Variants in POC1B observed in about 807,000 individuals in gnomAD.
POC1B encodes the protein POC1 centriolar protein B, also known as POC1 centriolar protein homolog B.
Under a neutral mutation model 60.6 loss-of-function variants are expected in POC1B, and 44 were observed. The ratio of observed to expected loss-of-function variants is 0.73; its 90% confidence interval spans 0.57 to 0.93. The LOEUF is 0.93. POC1B is among the 40% of genes least tolerant of loss of function. The pLI is 0.00. For synonymous variants in POC1B, 180 were observed against 198.9 expected, an observed-to-expected ratio of 0.90 and a Z score of 0.80; for missense variants, 555 against 572.3, an observed-to-expected ratio of 0.97 and a Z score of 0.31.
chr12:89,470,593 T>C (rs571645379), intron 6 of POC1B, 99 bp from the exon 7 acceptor site: 1 of 1,011,530 alleles, frequency 9.9e-7, no homozygotes, highest in East Asian at 2.8e-5. Flanking sequence ...ACAAGAGCAC[T>C]GTTTCCACAA....
intron 10 of POC1B, among the ~76,000 whole-genome samples, chr12:89,440,233 A>G (rs2120719328): frequency 6.6e-6 from 1 of 152,330 alleles, no homozygotes; most frequent in South Asian, 2.1e-4. Context: ...AGCACACTGA[A>G]AAATTTTCTG....
rs759589142 is a variant in POC1B, at chr12:89,516,519, TA to T, written c.100+8600del. 9.9e-3 allele frequency among the ~76,000 whole-genome samples: 1,512 copies of T among 152,320 alleles called. 6 individuals are homozygous for T. Among genetic ancestry groups the T allele is most frequent in the Non-Finnish European group, 0.016 (1,057 of 68,022 alleles). ...TTCCCTACTAATAGTACAATCTCCA[TA>T]TAGTAGCCAGAGTGGTCTTTTTGAG... On this transcript the variant is annotated intron_variant, in intron 2 of 11. Coordinates refer to ENST00000313546, the MANE Select transcript of POC1B (RefSeq NM_172240.3).
the POC1B span, among the ~76,000 whole-genome samples, chr12:89,409,564 T>G: frequency 1.3e-5 from 2 of 151,982 alleles, no homozygotes; most frequent in Non-Finnish European, 2.9e-5. Context: ...CTAGCCAGAC[T>G]AATAAAGAAG....
the POC1B span, among the ~76,000 whole-genome samples, chr12:89,414,042 T>C: frequency 2.0e-5 from 3 of 151,964 alleles, no homozygotes; most frequent in Non-Finnish European, 4.4e-5. Context: ...CAGGCGCCCA[T>C]CATCATGCCC....
intron 4 of POC1B, among the ~76,000 whole-genome samples, chr12:89,479,214 A>C (rs1308538918): frequency 6.6e-6 from 1 of 152,184 alleles, no homozygotes; most frequent in Non-Finnish European, 1.5e-5. Context: ...CCATTTCCCC[A>C]TGTAAACATA....
At chr12:89,408,884 G>A in the POC1B span, among the ~76,000 whole-genome samples, 1 of 152,254 alleles carries the variant, frequency 6.6e-6, no homozygotes, top group Admixed American at 6.5e-5. Flanking sequence ...GTGATGATGA[G>A]CTTTTTTTCA....
intron 2 of POC1B, chr12:89,501,834 A>T: frequency 8.3e-7 from 1 of 1,208,810 alleles, no homozygotes. Context: ...AAACTATTCC[A>T]CTTAAAAGGC....
Position 89,420,322 on chromosome 12 carries a change from GCATGTGTA to G in POC1B, c.*823_*830del, listed in dbSNP as rs1172363433. 2 of 152,272 alleles carry G rather than the reference GCATGTGTA, an allele frequency of 1.3e-5. No individual in the cohort carries two copies. The highest frequency in any genetic ancestry group is 2.9e-5 in the Non-Finnish European group (2 of 68,018). 9.4% of individuals were successfully genotyped at this position (152,272 alleles called of 1,614,324 possible). A position where few individuals can be genotyped will look rare whatever the true frequency, so the allele number is the denominator to read the frequency against. On this transcript the variant is annotated 3_prime_UTR_variant, in exon 12 of 12. Coordinates refer to ENST00000313546, the MANE Select transcript of POC1B (RefSeq NM_172240.3). Reference sequence around the variant, plus strand: ...CACCCTAAGCAACAATATTTCTGAAGCATGTGTACATACATGTGTGTATATTTTTAAAT... The same window carrying G: ...CACCCTAAGCAACAATATTTCTGAAGCATACATGTGTGTATATTTTTAAAT...
In POC1B at chr12:89,507,085, C is replaced by T. The variant is rs1170502721; in HGVS notation, c.101-9743G>A. 4.0e-5 allele frequency among the ~76,000 whole-genome samples: 6 copies of T among 151,480 alleles called. No individual in the cohort carries two copies. The East Asian group carries it at 5.8e-4, about 15-fold the overall frequency. On this transcript the variant is annotated intron_variant, in intron 2 of 11. Transcript: ENST00000313546. Reference sequence around the variant, plus strand: ...CAGAAGTCTGAGACCAGCTGGGCAACGTCTCGAAACCCCGTCTCTACAAAA... The same window carrying T: ...CAGAAGTCTGAGACCAGCTGGGCAATGTCTCGAAACCCCGTCTCTACAAAA...
intron 10 of POC1B, among the ~76,000 whole-genome samples, chr12:89,445,815 C>T (rs1321696102): frequency 2.0e-5 from 3 of 152,166 alleles, no homozygotes; most frequent in Non-Finnish European, 1.5e-5. Context: ...TCAGAGTGAA[C>T]AGGCAACCTA....
intron 2 of POC1B, among the ~76,000 whole-genome samples, chr12:89,511,765 A>G (rs1870199190): frequency 6.6e-6 from 1 of 152,140 alleles, no homozygotes; most frequent in South Asian, 2.1e-4. Context: ...ACATCCATAA[A>G]CGTAGATGGG....
In POC1B at chr12:89,525,109, A is replaced by G. The variant is rs758715445; in HGVS notation, c.100+11T>C. 6.2e-7 allele frequency: 1 copy of G among 1,613,758 alleles called. No individual in the cohort carries two copies. Among genetic ancestry groups the G allele is most frequent in the Non-Finnish European group, 8.5e-7 (1 of 1,179,824 alleles). On this transcript the variant is annotated intron_variant, in intron 2 of 11. Transcript: ENST00000313546. Reference sequence around the variant, plus strand: ...GTCTCATTACAAAAGCAAAACAAGAATAAGACTTACCAAGTTGCTTGCCGT... The same window carrying G: ...GTCTCATTACAAAAGCAAAACAAGAGTAAGACTTACCAAGTTGCTTGCCGT...
chr12:89,524,750 C>T (rs1565767054), intron 2 of POC1B: 2 of 642,828 alleles, frequency 3.1e-6, no homozygotes, highest in Admixed American at 2.9e-5. Context: ...AGCCCAACTC[C>T]TCTCTCCCTA....
chr12:89,456,898 C>T lies in POC1B; in HGVS notation c.1113+2740G>A, dbSNP rs115106905. 2.7e-3 allele frequency among the ~76,000 whole-genome samples: 415 copies of T among 152,114 alleles called. 2 individuals are homozygous for T. The highest frequency in any genetic ancestry group is 8.3e-3 in the African/African-American group (343 of 41,488). ...ATCAAGTGAAAGTAGAAATAGAGGC[C>T]AACTATTTCTTACACCATAACAAAC... On this transcript the variant is annotated intron_variant, in intron 10 of 11. Transcript: ENST00000313546.
chr12:89,500,410 C>CA (rs1869496723), intron 2 of POC1B: 2 of 1,518,622 alleles, frequency 1.3e-6, no homozygotes, highest in East Asian at 4.5e-5. Context: ...CAAGTGAAGC[C>CA]ACCAACAGAT....
At chr12:89,415,801 T>A (rs1202440162), downstream of POC1B, among the ~76,000 whole-genome samples, 3 of 152,248 alleles carry the variant, frequency 2.0e-5, no homozygotes, top group African/African-American at 7.2e-5. Context: ...GTGAATACCT[T>A]CCCTGACAGT....
chr12:89,500,101 G>A lies in POC1B; in HGVS notation c.101-2759C>T, dbSNP rs1034627908. The A allele has an allele frequency of 8.3e-6, 12 of 1,438,108 alleles. No individual in the cohort carries two copies. The African/African-American group carries it at 8.4e-5, about 10-fold the overall frequency. The allele number at this position is 1,438,108 out of a possible 1,614,324, so 89.1% of individuals were successfully genotyped here. On this transcript the variant is annotated intron_variant, in intron 2 of 11. Coordinates refer to ENST00000313546, the MANE Select transcript of POC1B (RefSeq NM_172240.3). ...CTCAGCGGGGCCGGAACATGGCTGT[G>A]TCGGGTCTGGATCATCTCAAAAATG... is the stretch of plus-strand genomic sequence containing the variant.
intron 10 of POC1B, 81 bp downstream of exon 10, chr12:89,459,557 C>A: frequency 5.0e-6 from 4 of 801,908 alleles, no homozygotes. Flanking sequence ...CCTCCCCCAA[C>A]ATTTTTTAAA....
chr12:89,440,607 T>C (rs1012083857), intron 10 of POC1B, among the ~76,000 whole-genome samples: 1 of 152,224 alleles, frequency 6.6e-6, no homozygotes, highest in Admixed American at 6.5e-5. Context: ...CTGACCAATA[T>C]GGAGAAACCC....
Sources: allele counts gnomAD v4.1 joint callset (sites outside exome capture counted in the v4.1 genomes callset), GRCh38; gene constraint gnomAD v4.1.1; transcripts MANE v1.5; gene names NCBI Gene and HGNC (gene_info 2026-07-23, HGNC 2026-07-21).